SCIN: variants seen among roughly 807,000 people sequenced by gnomAD.
SCIN encodes the protein scinderin, also known as adseverin.
Under a neutral mutation model 91.8 loss-of-function variants are expected in SCIN, and 91 were observed. That is an observed-to-expected ratio of 0.99 (90% CI 0.84 to 1.18). The LOEUF (loss-of-function observed/expected upper bound fraction) is 1.18, where lower values mean the gene tolerates loss of function less well. Among genes scored for constraint, SCIN ranks in the 50% most tolerant of loss-of-function variants. The pLI is 0.00. For missense variants in SCIN, 1,087 were observed against 863.9 expected (o/e 1.26, Z -3.24); for synonymous variants, 367 against 312.6 (o/e 1.17, Z -1.84).
At chr7:12,582,194 C>T (rs1430917701) in intron 3 of SCIN, among the ~76,000 whole-genome samples, 4 of 152,214 alleles carry the variant, frequency 2.6e-5, no homozygotes, top group African/African-American at 9.7e-5. Context: ...ATTAGACTCT[C>T]AGCATATCTG....
At chr7:12,612,210 C>T (rs1370179092) in intron 4 of SCIN, among the ~76,000 whole-genome samples, 1 of 152,096 alleles carries the variant, frequency 6.6e-6, no homozygotes, top group East Asian at 1.9e-4. Context: ...ATTTTGTAAT[C>T]CCTCATTCAT....
At chr7:12,589,103 A>T (rs1471577524) in intron 3 of SCIN, 2 of 152,402 alleles carry the variant, frequency 1.3e-5, no homozygotes, top group Non-Finnish European at 2.9e-5. Context: ...GCCAAGTGCT[A>T]AATGGAGGAA....
At position 12,571,004 on chromosome 7, in the gene SCIN, C is replaced by T. The variant is rs1279584280; in HGVS notation, c.199+19C>T. 3.2e-6 allele frequency: 5 copies of T among 1,541,484 alleles called. No individual in the cohort carries two copies. In the African/African-American group the frequency reaches 4.1e-5, roughly 13 times the overall value. ...TGGCTCGGTAAGGGACGGCGGGCGGCGGGACCCCGACGCACCAAGGCCGGC... is the reference window on the plus strand; with the variant it reads ...TGGCTCGGTAAGGGACGGCGGGCGGTGGGACCCCGACGCACCAAGGCCGGC... On this transcript the variant is annotated intron_variant, in intron 1 of 15. Coordinates refer to ENST00000297029, the MANE Select transcript of SCIN (RefSeq NM_001112706.3).
At chr7:12,594,456 T>C (rs1214709161) in intron 3 of SCIN, among the ~76,000 whole-genome samples, 2 of 152,134 alleles carry the variant, frequency 1.3e-5, no homozygotes, top group Non-Finnish European at 2.9e-5. Context: ...CATTTCTCAT[T>C]GCGATGGCAA....
intron 14 of SCIN, 93 bp downstream of exon 14, chr7:12,649,637 G>A (rs1376315228): frequency 4.0e-6 from 3 of 749,910 alleles, no homozygotes; most frequent in Non-Finnish European, 6.5e-6. Context: ...AGATATAAAT[G>A]AGCCTAGAGA....
intron 3 of SCIN, among the ~76,000 whole-genome samples, chr7:12,586,539 A>T (rs374225811): frequency 1.3e-5 from 2 of 152,196 alleles, no homozygotes; most frequent in East Asian, 3.8e-4. Context: ...CAAAAAAAAT[A>T]AAAATAGAAC....
intron 3 of SCIN, among the ~76,000 whole-genome samples, chr7:12,583,216 A>G (rs1003722674): frequency 2.0e-5 from 3 of 152,164 alleles, no homozygotes; most frequent in Admixed American, 2.0e-4. Flanking sequence ...ACTATCTGCT[A>G]TGATATTGGG....
In SCIN at chr7:12,656,172, C is replaced by T. The variant is rs1411869580; in HGVS notation, c.*3457C>T. On this transcript the variant is annotated 3_prime_UTR_variant, in exon 16 of 16. Coordinates refer to ENST00000297029, the MANE Select transcript of SCIN (RefSeq NM_001112706.3). ...GTATTTTGAACAATGTTTTGGCCTC[C>T]AGTAATGATTAGGAACACACTATAA... 4 of 152,118 alleles carry T rather than the reference C, an allele frequency of 2.6e-5. No individual in the cohort carries two copies. The highest frequency in any genetic ancestry group is 6.5e-5 in the Admixed American group (1 of 15,278). 9.4% of individuals were successfully genotyped at this position (152,118 alleles called of 1,614,324 possible). A position where few individuals can be genotyped will look rare whatever the true frequency, so the allele number is the denominator to read the frequency against.
At chr7:12,610,043 G>A (rs1056326165) in intron 4 of SCIN, among the ~76,000 whole-genome samples, 1 of 152,186 alleles carries the variant, frequency 6.6e-6, no homozygotes, top group Non-Finnish European at 1.5e-5. Context: ...AGAATCGTGA[G>A]GGTCCTCAGA....
chr7:12,578,312 G>A (rs1782417536), intron 2 of SCIN, 94 bp downstream of exon 2: 1 of 1,190,262 alleles, frequency 8.4e-7, no homozygotes, highest in Non-Finnish European at 1.1e-6. Flanking sequence ...GTTGAGGGCA[G>A]GGGTTTTTGT....
intron 4 of SCIN, among the ~76,000 whole-genome samples, chr7:12,621,777 C>A (rs1158106473): frequency 1.3e-5 from 2 of 151,142 alleles, no homozygotes; most frequent in Non-Finnish European, 2.9e-5. Flanking sequence ...TCCCAGAGGA[C>A]ATAAGTTCTC....
intron 8 of SCIN, among the ~76,000 whole-genome samples, chr7:12,627,955 C>A (rs993692048): frequency 5.9e-5 from 9 of 152,086 alleles, no homozygotes; most frequent in Admixed American, 4.6e-4. Context: ...TGCACTGTTC[C>A]TGTCCACTTG....
intron 5 of SCIN, among the ~76,000 whole-genome samples, chr7:12,623,730 G>T (rs1783457397): frequency 1.3e-5 from 2 of 151,968 alleles, no homozygotes; most frequent in Admixed American, 6.6e-5. Flanking sequence ...GCTCTTTAAG[G>T]GATTTTTGGC....
intron 3 of SCIN, among the ~76,000 whole-genome samples, chr7:12,592,705 G>A (rs548040504): frequency 2.0e-5 from 3 of 152,238 alleles, no homozygotes; most frequent in African/African-American, 4.8e-5. Flanking sequence ...AGGAAAGAGT[G>A]TGAGAAAATG....
chr7:12,588,954 G>C (rs1383783768), intron 3 of SCIN: 1 of 153,008 alleles, frequency 6.5e-6, no homozygotes, highest in Non-Finnish European at 1.5e-5. Flanking sequence ...GATGGTTGGG[G>C]GGAGAGGCTG....
chr7:12,577,855 CAAA>C (rs5882366), intron 1 of SCIN: 4,763 of 400,302 alleles, frequency 0.012, 32 homozygotes, highest in African/African-American at 0.036. Context: ...CACCCTCTCT[CAAA>C]AAAAAAAAAA....
At chr7:12,579,787 G>A (rs762420304) in intron 2 of SCIN, among the ~76,000 whole-genome samples, 15 of 152,168 alleles carry the variant, frequency 9.9e-5, no homozygotes, top group East Asian at 1.9e-4. Context: ...GGTGACATGC[G>A]CCTGTAACCC....
At chr7:12,598,167 T>C (rs1038021342) in intron 3 of SCIN, among the ~76,000 whole-genome samples, 2 of 152,260 alleles carry the variant, frequency 1.3e-5, no homozygotes, top group Admixed American at 6.5e-5. Context: ...ACTTAGATTA[T>C]AGTGAAAACT....
intron 2 of SCIN, among the ~76,000 whole-genome samples, chr7:12,580,583 A>T (rs1428146658): frequency 6.6e-6 from 1 of 152,170 alleles, no homozygotes; most frequent in Non-Finnish European, 1.5e-5. Flanking sequence ...AGCACTCAAC[A>T]ACCATCTCTG....
Sources: gnomAD v4.1 joint callset for allele counts (sites outside exome capture counted in the v4.1 genomes callset) on GRCh38, gnomAD v4.1.1 for gene constraint, MANE v1.5 for transcripts, NCBI Gene and HGNC (gene_info 2026-07-23, HGNC 2026-07-21) for gene names.